The following PEBP4 variants were observed in gnomAD, a reference collection of about 807,000 sequenced individuals.
PEBP4 encodes the protein phosphatidylethanolamine-binding protein 4.
PEBP4 carries 22 observed loss-of-function variants against 23.9 expected under a neutral mutation model. That is an observed-to-expected ratio of 0.92 (90% CI 0.66 to 1.31). The LOEUF is 1.31. Ranked by LOEUF, PEBP4 falls within the 40% of genes most tolerant of loss-of-function variation. The pLI, the probability that PEBP4 is intolerant of heterozygous loss-of-function variation, is 0.00. For missense variants in PEBP4, 324 were observed against 281.7 expected (o/e 1.15, Z -1.07); for synonymous variants, 112 against 99.3 (o/e 1.13, Z -0.76).
chr8:22,770,782 T>C (rs907530116), intron 4 of PEBP4, among the ~76,000 whole-genome samples: 4 of 152,238 alleles, frequency 2.6e-5, no homozygotes, highest in African/African-American at 9.6e-5. Flanking sequence ...GTTCAGGCTG[T>C]GTGGTTTAAC....
At chr8:22,838,216 C>T (rs1211280438) in intron 3 of PEBP4, among the ~76,000 whole-genome samples, 6 of 152,134 alleles carry the variant, frequency 3.9e-5, no homozygotes, top group African/African-American at 1.4e-4. Context: ...TATTATATTC[C>T]TGACAGAAGA....
Position 22,865,487 on chromosome 8 carries a change from C to CA in PEBP4, c.259-47753_259-47752insT, listed in dbSNP as rs1807872775. On this transcript the variant is annotated intron_variant, in intron 3 of 6. Transcript: ENST00000256404. The surrounding 1 kb of genome is among the most constrained non-coding windows in gnomAD (Gnocchi z 6.9). ...GCGAGGTGGAGCGCGCCACCGCCCC[C>CA]CCGGCCGCGCAGCGAGAAGGAGCCT... 2.0e-5 allele frequency among the ~76,000 whole-genome samples: 3 copies of CA among 152,046 alleles called. No homozygotes were observed. Among genetic ancestry groups the CA allele is most frequent in the Non-Finnish European group, 2.9e-5 (2 of 67,978 alleles).
chr8:22,788,852 T>C (rs1344575444), intron 4 of PEBP4, among the ~76,000 whole-genome samples: 1 of 152,232 alleles, frequency 6.6e-6, no homozygotes, highest in Non-Finnish European at 1.5e-5. Flanking sequence ...ACTTTGTTCA[T>C]TGTAGCGTTG....
chr8:22,870,552 C>T (rs2128770377), intron 3 of PEBP4, among the ~76,000 whole-genome samples: 1 of 152,270 alleles, frequency 6.6e-6, no homozygotes, highest in Non-Finnish European at 1.5e-5. Context: ...GAATGTACAA[C>T]ACCAAGAGCG....
At chr8:22,837,207 T>G (rs1489664243) in intron 3 of PEBP4, among the ~76,000 whole-genome samples, 1 of 152,210 alleles carries the variant, frequency 6.6e-6, no homozygotes, top group Non-Finnish European at 1.5e-5. Context: ...TTGCCTCTAT[T>G]TCGATAGCAT....
intron 4 of PEBP4, among the ~76,000 whole-genome samples, chr8:22,746,574 C>G (rs987124774): frequency 2.9e-4 from 44 of 152,090 alleles, no homozygotes; most frequent in African/African-American, 1.0e-3. Context: ...TCTCTCCTCT[C>G]TCCCGCCTCT....
intron 4 of PEBP4, among the ~76,000 whole-genome samples, chr8:22,810,697 TG>T (rs1806603238): frequency 1.3e-5 from 2 of 148,382 alleles, no homozygotes; most frequent in Admixed American, 1.3e-4. Flanking sequence ...TGTGTGTGTG[TG>T]TGTGTGTGTG....
chr8:22,715,587 A>G (rs2128747503), intron 6 of PEBP4, among the ~76,000 whole-genome samples: 1 of 152,330 alleles, frequency 6.6e-6, no homozygotes, highest in East Asian at 1.9e-4. Flanking sequence ...TGCGGGGAAG[A>G]AATCCCCTGA....
chr8:22,921,914 C>A (rs146624116), intron 2 of PEBP4, among the ~76,000 whole-genome samples: 1 of 152,218 alleles, frequency 6.6e-6, no homozygotes, highest in Non-Finnish European at 1.5e-5. Flanking sequence ...AGACAGCAAA[C>A]AGCACAGGAT....
rs2128767535 is a variant in PEBP4, at chr8:22,853,831, C to A, written c.259-36096G>T. Among the ~76,000 whole-genome samples the A allele has an allele frequency of 2.0e-5, 3 of 152,220 alleles. No individual in the cohort carries two copies. The South Asian group carries it at 6.2e-4, about 32-fold the overall frequency. On this transcript the variant is annotated intron_variant, in intron 3 of 6. Transcript: ENST00000256404. ...AAGGCAAAGAAACGCTTCCTCCAGG[C>A]CTTAGGAGGAGTTGGGATCTGCAGA... is the stretch of plus-strand genomic sequence containing the variant.
chr8:22,877,310 T>C (rs887155990), intron 3 of PEBP4, among the ~76,000 whole-genome samples: 3 of 152,154 alleles, frequency 2.0e-5, no homozygotes, highest in African/African-American at 7.2e-5. Flanking sequence ...CGTGTCCTTA[T>C]TGTGAATCAA....
At chr8:22,843,027 C>T (rs750806240) in intron 3 of PEBP4, among the ~76,000 whole-genome samples, 1 of 152,178 alleles carries the variant, frequency 6.6e-6, no homozygotes, top group Non-Finnish European at 1.5e-5. Flanking sequence ...GGGGTTTCAC[C>T]ATGTTGGCCA....
intron 3 of PEBP4, among the ~76,000 whole-genome samples, chr8:22,842,518 A>C (rs1193352544): frequency 6.6e-6 from 1 of 152,212 alleles, no homozygotes; most frequent in Non-Finnish European, 1.5e-5. Context: ...GCTCCCTACA[A>C]ATATATGAGC....
chr8:22,861,993 A>G (rs1259130120), intron 3 of PEBP4, among the ~76,000 whole-genome samples: 2 of 152,180 alleles, frequency 1.3e-5, no homozygotes, highest in African/African-American at 4.8e-5. Flanking sequence ...ACCCTGAATT[A>G]ATTTCTCCTG....
chr8:22,832,780 T>C (rs1807114203), intron 3 of PEBP4, among the ~76,000 whole-genome samples: 1 of 152,198 alleles, frequency 6.6e-6, no homozygotes, highest in South Asian at 2.1e-4. Context: ...ACTTGGAGCC[T>C]TGCTGACCTG....
chr8:22,721,720 C>G (rs1804522571), intron 6 of PEBP4, among the ~76,000 whole-genome samples: 1 of 152,114 alleles, frequency 6.6e-6, no homozygotes, highest in Admixed American at 6.5e-5. Flanking sequence ...CAACCCCTGA[C>G]ACCCTGCTTC....
chr8:22,870,788 AT>A (rs1427758280), intron 3 of PEBP4, among the ~76,000 whole-genome samples: 1 of 152,146 alleles, frequency 6.6e-6, no homozygotes, highest in Non-Finnish European at 1.5e-5. Flanking sequence ...AAAAAGTTGA[AT>A]GGGCCACAGG....
intron 4 of PEBP4, among the ~76,000 whole-genome samples, chr8:22,764,672 C>T (rs530827647): frequency 7.3e-5 from 11 of 151,568 alleles, no homozygotes; most frequent in Non-Finnish European, 1.6e-4. Context: ...GGAGCCTCAA[C>T]TGGCTGACCC....
intron 4 of PEBP4, among the ~76,000 whole-genome samples, chr8:22,777,823 G>C (rs879332222): frequency 2.0e-5 from 3 of 152,166 alleles, no homozygotes; most frequent in Non-Finnish European, 4.4e-5. Flanking sequence ...GACATGCAAG[G>C]CTGGGGAGGC....
Sources: gnomAD v4.1 joint callset for allele counts (sites outside exome capture counted in the v4.1 genomes callset) on GRCh38, gnomAD v4.1.1 for gene constraint, Gnocchi (gnomAD v3.1) non-coding constraint, MANE v1.5 for transcripts, NCBI Gene and HGNC (gene_info 2026-07-23, HGNC 2026-07-21) for gene names.